Variants in TNFRSF21 observed in about 807,000 individuals in gnomAD.
TNFRSF21 encodes the protein TNF receptor superfamily member 21, also known as tumor necrosis factor receptor superfamily member 21.
In TNFRSF21, 19 loss-of-function variants were observed where a neutral mutation model predicts 45.6. That is an observed-to-expected ratio of 0.42 (90% CI 0.29 to 0.61). The LOEUF (loss-of-function observed/expected upper bound fraction) is 0.61. Among genes scored for constraint, TNFRSF21 ranks in the 20% least tolerant of loss-of-function variants. The probability of loss-of-function intolerance (pLI) is 0.23; values close to 1 mark genes in which losing one functional copy is unlikely to be tolerated. For missense variants in TNFRSF21, 737 were observed against 851.5 expected, an observed-to-expected ratio of 0.87 and a Z score of 1.67; for synonymous variants, 314 against 335.5, an observed-to-expected ratio of 0.94 and a Z score of 0.70.
chr6:47,242,626 A>AG (rs922776736), intron 4 of TNFRSF21, among the ~76,000 whole-genome samples: 2 of 152,078 alleles, frequency 1.3e-5, no homozygotes, highest in South Asian at 2.1e-4. Context: ...GGGAGGGAAA[A>AG]GGGGGGGCAG....
At chr6:47,257,236 A>G (rs1332975651) in intron 3 of TNFRSF21, among the ~76,000 whole-genome samples, 4 of 152,154 alleles carry the variant, frequency 2.6e-5, no homozygotes, top group African/African-American at 9.7e-5. Flanking sequence ...AAAGAAAAAA[A>G]AACCCACAAA....
At chr6:47,237,043 G>A (rs1365605573) in intron 4 of TNFRSF21, among the ~76,000 whole-genome samples, 1 of 152,048 alleles carries the variant, frequency 6.6e-6, no homozygotes, top group East Asian at 1.9e-4. Flanking sequence ...CGACATAATT[G>A]GAAAGACAGA....
intron 4 of TNFRSF21, among the ~76,000 whole-genome samples, chr6:47,239,616 T>C (rs1302013483): frequency 6.6e-6 from 1 of 152,138 alleles, no homozygotes; most frequent in African/African-American, 2.4e-5. Flanking sequence ...GTACTTCATG[T>C]TCCCCATAGT....
At chr6:47,269,827 G>A (rs972205381) in intron 3 of TNFRSF21, among the ~76,000 whole-genome samples, 2 of 152,170 alleles carry the variant, frequency 1.3e-5, no homozygotes, top group Non-Finnish European at 2.9e-5. Context: ...GGACAAGAGC[G>A]CTGCCTGGGC....
chr6:47,281,890 A>G (rs1170332939), intron 3 of TNFRSF21, among the ~76,000 whole-genome samples: 1 of 151,970 alleles, frequency 6.6e-6, no homozygotes, highest in Non-Finnish European at 1.5e-5. Context: ...ACAGGCTTCC[A>G]GTAAATAGTT....
intron 3 of TNFRSF21, among the ~76,000 whole-genome samples, chr6:47,280,207 C>T (rs1297509760): frequency 6.6e-6 from 1 of 152,170 alleles, no homozygotes; most frequent in Admixed American, 6.5e-5. Context: ...TTTAGAAGAC[C>T]TCTGATAGAA....
intron 3 of TNFRSF21, among the ~76,000 whole-genome samples, chr6:47,253,884 T>A (rs1476935046): frequency 1.3e-5 from 2 of 152,210 alleles, no homozygotes; most frequent in Admixed American, 1.3e-4. Flanking sequence ...AGTTCCAAGA[T>A]CCCCAGTGGA....
intron 3 of TNFRSF21, among the ~76,000 whole-genome samples, chr6:47,277,035 C>T (rs576966969): frequency 9.2e-5 from 14 of 152,100 alleles, no homozygotes; most frequent in African/African-American, 3.4e-4. Flanking sequence ...CTCTTGTTGC[C>T]CAGGCTGAAG....
At chr6:47,298,284 T>TAAA (rs558717941) in intron 1 of TNFRSF21, among the ~76,000 whole-genome samples, 2,814 of 74,314 alleles carry the variant, frequency 0.038, 113 homozygotes, top group African/African-American at 0.13. Context: ...TACAAAAAAT[T>TAAA]AAAAAAAAAA....
At chr6:47,304,957 C>T (rs778743477) in intron 1 of TNFRSF21, among the ~76,000 whole-genome samples, 8 of 152,146 alleles carry the variant, frequency 5.3e-5, no homozygotes, top group Non-Finnish European at 7.3e-5. Flanking sequence ...ACAGGTTCTG[C>T]GCTCCCCATT....
At chr6:47,289,466 C>G (rs1337483417) in intron 1 of TNFRSF21, among the ~76,000 whole-genome samples, 1 of 151,880 alleles carries the variant, frequency 6.6e-6, no homozygotes, top group Non-Finnish European at 1.5e-5. Flanking sequence ...GACCCTCCCC[C>G]AACAAAAAAA....
chr6:47,242,233 A>T (rs878980563), intron 4 of TNFRSF21, among the ~76,000 whole-genome samples: 19 of 151,920 alleles, frequency 1.3e-4, no homozygotes, highest in Admixed American at 5.3e-4. Flanking sequence ...TTTAAAAAAC[A>T]CTCCCACTCA....
At chr6:47,281,844 T>A (rs76274609) in intron 3 of TNFRSF21, among the ~76,000 whole-genome samples, 3 of 149,116 alleles carry the variant, frequency 2.0e-5, no homozygotes, top group African/African-American at 7.8e-5. Context: ...TTTTTTTTTT[T>A]AATTAAAAAG....
intron 3 of TNFRSF21, 47 bp from the exon 4 acceptor site, chr6:47,253,568 GCTT>G: frequency 6.3e-7 from 1 of 1,587,940 alleles, no homozygotes; most frequent in Non-Finnish European, 8.5e-7. Flanking sequence ...TGTAAGGGAA[GCTT>G]CTTACATAAG....
intron 3 of TNFRSF21, among the ~76,000 whole-genome samples, chr6:47,274,171 A>G (rs1043364228): frequency 6.6e-6 from 1 of 152,230 alleles, no homozygotes; most frequent in African/African-American, 2.4e-5. Flanking sequence ...AAGGGCCTGC[A>G]TTGCCAAGAC....
intron 4 of TNFRSF21, among the ~76,000 whole-genome samples, chr6:47,245,136 C>G (rs1764804082): frequency 2.0e-5 from 3 of 152,056 alleles, no homozygotes; most frequent in Non-Finnish European, 4.4e-5. Context: ...CACTAACAGA[C>G]CCAGCCTTTT....
At chr6:47,282,073 T>C (rs1762574816) in intron 3 of TNFRSF21, among the ~76,000 whole-genome samples, 2 of 152,122 alleles carry the variant, frequency 1.3e-5, no homozygotes, top group African/African-American at 4.8e-5. Context: ...ACACCAATAA[T>C]AGCTGATAAG....
Position 47,265,760 on chromosome 6 carries a change from A to G in TNFRSF21, c.1244-12239T>C, listed in dbSNP as rs140974328. On this transcript the variant is annotated intron_variant, in intron 3 of 5. Coordinates refer to ENST00000296861, the MANE Select transcript of TNFRSF21 (RefSeq NM_014452.5). ...CCTTTCCTATAAAGGTTAAAAATGT[A>G]TACTGTAGTAATCACATTTTATGTC... 9.5e-4 allele frequency among the ~76,000 whole-genome samples: 145 copies of G among 152,344 alleles called. 1 individual carries two copies. The highest frequency in any genetic ancestry group is 3.1e-3 in the African/African-American group (130 of 41,572).
At position 47,243,119 on chromosome 6, in the gene TNFRSF21, A is replaced by G. The variant is rs192642578; in HGVS notation, c.1510-8221T>C. Among the ~76,000 whole-genome samples, 256 of 152,318 alleles carry G rather than the reference A, an allele frequency of 1.7e-3. 2 individuals are homozygous for G. Among genetic ancestry groups the G allele is most frequent in the Non-Finnish European group, 2.8e-3 (192 of 68,032 alleles). ...TAAATTAGCATTGCATAATAAGTCC[A>G]TTAATTAGATTCATGCCATTAGAAT... On this transcript the variant is annotated intron_variant, in intron 4 of 5. Transcript: ENST00000296861.
Sources: gnomAD v4.1 joint callset for allele counts (sites outside exome capture counted in the v4.1 genomes callset) on GRCh38, gnomAD v4.1.1 for gene constraint, MANE v1.5 for transcripts, NCBI Gene and HGNC (gene_info 2026-07-23, HGNC 2026-07-21) for gene names.